The following DOP1B variants were observed in gnomAD, a reference collection of about 807,000 sequenced individuals.
The protein encoded by DOP1B is DOP1 leucine zipper like protein B.
A neutral mutation model predicts 233.5 loss-of-function variants in DOP1B; 174 were observed. That is an observed-to-expected ratio of 0.75 (90% CI 0.66 to 0.85). The LOEUF is 0.85. DOP1B is among the 40% of genes least tolerant of loss of function. The pLI is 0.00. For synonymous variants in DOP1B, 1,190 were observed against 1,185.6 expected (o/e 1.00, Z -0.08); for missense variants, 2,652 against 2,846.6 (o/e 0.93, Z 1.56).
At chr21:36,289,499 A>G (rs1194302658) in intron 35 of DOP1B, among the ~76,000 whole-genome samples, 1 of 150,388 alleles carries the variant, frequency 6.6e-6, no homozygotes, top group Non-Finnish European at 1.5e-5. Context: ...AATGCTTATA[A>G]AACAGGGCTT....
chr21:36,174,645 C>T (rs1361402341), intron 2 of DOP1B, among the ~76,000 whole-genome samples: 1 of 152,172 alleles, frequency 6.6e-6, no homozygotes, highest in African/African-American at 2.4e-5. Flanking sequence ...GCTGAGACTA[C>T]AGGCATGTGT....
chr21:36,254,378 C>T (rs1423345004), intron 23 of DOP1B, among the ~76,000 whole-genome samples: 1 of 151,848 alleles, frequency 6.6e-6, no homozygotes, highest in African/African-American at 2.4e-5. Flanking sequence ...GTGGAGATGA[C>T]TGGGAAAGGA....
chr21:36,187,607 A>C (rs2066179224), intron 2 of DOP1B, among the ~76,000 whole-genome samples: 1 of 143,820 alleles, frequency 7.0e-6, no homozygotes, highest in South Asian at 2.2e-4. Context: ...TATTTATTTT[A>C]TTTTTTATTT....
intron 17 of DOP1B, 112 bp downstream of exon 17, chr21:36,238,813 A>G: frequency 1.0e-6 from 1 of 1,003,370 alleles, no homozygotes; most frequent in Non-Finnish European, 1.5e-6. Context: ...GAAAACATGA[A>G]CCCATATGAC....
At chr21:36,260,990 A>G in intron 24 of DOP1B, 4 of 1,220,470 alleles carry the variant, frequency 3.3e-6, no homozygotes, top group Non-Finnish European at 4.1e-6. Context: ...GTTAAACTTT[A>G]AAAGGCTTGG....
intron 2 of DOP1B, among the ~76,000 whole-genome samples, chr21:36,172,550 C>T (rs2065982074): frequency 6.6e-6 from 1 of 151,634 alleles, no homozygotes; most frequent in Non-Finnish European, 1.5e-5. Flanking sequence ...ATCACTTGAG[C>T]CCAGGAGTTT....
chr21:36,166,007 A>G (rs1410448596), intron 2 of DOP1B, among the ~76,000 whole-genome samples: 1 of 148,886 alleles, frequency 6.7e-6, no homozygotes, highest in Non-Finnish European at 1.5e-5. Context: ...GTGAGCCACC[A>G]CACCTGGCCA....
chr21:36,270,912 CAAA>C (rs71326665), intron 27 of DOP1B, among the ~76,000 whole-genome samples: 1 of 127,778 alleles, frequency 7.8e-6, no homozygotes. Flanking sequence ...GACTACACCT[CAAA>C]AAAAAAAAAA....
At chr21:36,286,174 C>G in intron 32 of DOP1B, among the ~76,000 whole-genome samples, 1 of 152,092 alleles carries the variant, frequency 6.6e-6, no homozygotes, top group African/African-American at 2.4e-5. Flanking sequence ...ATCAGTCTTA[C>G]GTCTTTGGGG....
chr21:36,177,992 A>G (rs568711491), intron 2 of DOP1B, among the ~76,000 whole-genome samples: 1 of 139,676 alleles, frequency 7.2e-6, no homozygotes, highest in Non-Finnish European at 1.7e-5. Context: ...TCTCCCAAGA[A>G]AGTTAGGAGC....
Position 36,281,559 on chromosome 21 carries a change from T to G in DOP1B, c.6108T>G (p.Ala2036=), listed in dbSNP as rs1183044810. ...TGCTGTTAAAGCGCCAGGCTTTTGCTGTCTTCAGTGGAGAACTTGATCAAT... is the reference window on the plus strand; with the variant it reads ...TGCTGTTAAAGCGCCAGGCTTTTGCGGTCTTCAGTGGAGAACTTGATCAAT... ...KAMLLKRQAF[A]VFSGELDQYH... Residue 2036 remains alanine (A), a synonymous_variant, in exon 32 of 37, where the codon GCT becomes GCG. Transcript: ENST00000691173. 1.2e-6 allele frequency: 2 copies of G among 1,610,076 alleles called. No individual in the cohort carries two copies. The highest frequency in any genetic ancestry group is 1.7e-5 in the Admixed American group (1 of 59,960).
chr21:36,170,431 A>G (rs2065961587), intron 2 of DOP1B: 1 of 184,110 alleles, frequency 5.4e-6, no homozygotes, highest in Non-Finnish European at 1.1e-5. Flanking sequence ...CCCCATCTCT[A>G]CTAAAAATAC....
chr21:36,271,296 CACCCAGGTTGGAGTT>C (rs2067286092), intron 27 of DOP1B, among the ~76,000 whole-genome samples: 1 of 149,006 alleles, frequency 6.7e-6, no homozygotes, highest in Admixed American at 6.7e-5. Context: ...GGTTGGAGTT[CACCCAGGTTGGAGTT>C]CACCCAGGTT....
intron 5 of DOP1B, among the ~76,000 whole-genome samples, chr21:36,210,899 G>A (rs977355179): frequency 6.6e-6 from 1 of 152,182 alleles, no homozygotes; most frequent in Admixed American, 6.5e-5. Flanking sequence ...TCTGCTCCCA[G>A]CCACAGCACC....
chr21:36,289,424 G>GGTGT (rs59907412), intron 35 of DOP1B, among the ~76,000 whole-genome samples: 5,009 of 144,448 alleles, frequency 0.035, 126 homozygotes, highest in East Asian at 0.057. Context: ...GTGTTTCTAT[G>GGTGT]GTGTGTGTGT....
At chr21:36,200,694 T>G (rs1311566255) in intron 4 of DOP1B, among the ~76,000 whole-genome samples, 193 bp downstream of exon 4, 15 of 152,066 alleles carry the variant, frequency 9.9e-5, no homozygotes, top group Admixed American at 8.5e-4. Context: ...ATAAAAAAAT[T>G]TAGCCGGGCA....
Position 36,270,119 on chromosome 21 carries a change from C to G in DOP1B, c.5594C>G (p.Ala1865Gly), listed in dbSNP as rs761423474. The G allele has an allele frequency of 1.7e-5, 27 of 1,613,974 alleles. No homozygotes were observed. The South Asian group carries it at 2.9e-4, about 17-fold the overall frequency. ...CTGGAAGTGAAGGCCCAACCTCAGG[C>G]CTCTCTAGAAGAATCTGATGCTGAG... is the stretch of plus-strand genomic sequence containing the variant. ...RNLEVKAQPQ[A>G]SLEESDAEED... is the part of the protein sequence containing the mutation. Residue 1865 changes from alanine to glycine, a missense_variant, in exon 27 of 37, where the codon GCC (alanine) becomes GGC (glycine). Around this residue, in one of 3 missense-constraint regions of DOP1B, gnomAD observed 2,617 missense variants for 2,794.3 expected, o/e 0.94. Transcript: ENST00000691173.
chr21:36,159,345 G>A (rs566085832), intron 1 of DOP1B, among the ~76,000 whole-genome samples: 13 of 152,242 alleles, frequency 8.5e-5, no homozygotes, highest in African/African-American at 3.1e-4. Flanking sequence ...CAGGTACTCA[G>A]GAGGCTGAGG....
intron 4 of DOP1B, among the ~76,000 whole-genome samples, chr21:36,208,351 T>C (rs556567254): frequency 6.6e-6 from 1 of 152,360 alleles, no homozygotes; most frequent in East Asian, 1.9e-4. Context: ...GTGAAGTGGC[T>C]GACCTGCCTA....
Sources: allele counts gnomAD v4.1 joint callset (sites outside exome capture counted in the v4.1 genomes callset), GRCh38; gene constraint gnomAD v4.1.1; regional missense constraint gnomAD v4.1.1; transcripts MANE v1.5; gene names NCBI Gene and HGNC (gene_info 2026-07-23, HGNC 2026-07-21).